The following TTC19 variants were observed in gnomAD, a reference collection of about 807,000 sequenced individuals.
TTC19 encodes the protein tetratricopeptide repeat domain 19.
A neutral mutation model predicts 49.5 loss-of-function variants in TTC19; 38 were observed. That is an observed-to-expected ratio of 0.77 (90% CI 0.59 to 1.01). TTC19 has a LOEUF of 1.01. TTC19 is among the 50% of genes least tolerant of loss of function. The pLI is 0.00. For synonymous variants in TTC19, 204 were observed against 185.2 expected (o/e 1.10, Z -0.83); for missense variants, 475 against 477.7 (o/e 0.99, Z 0.05).
At chr17:16,005,654 T>G (rs1970882327) in intron 6 of TTC19, among the ~76,000 whole-genome samples, 1 of 152,230 alleles carries the variant, frequency 6.6e-6, no homozygotes, top group Admixed American at 6.5e-5. Context: ...AGAGTTGGGT[T>G]AAATGACTTC....
chr17:16,037,534 A>G (rs949804957), intron 2 of TTC19, among the ~76,000 whole-genome samples: 5 of 152,208 alleles, frequency 3.3e-5, no homozygotes, highest in African/African-American at 1.2e-4. Flanking sequence ...GTAATTAAGG[A>G]ACTGAAATTT....
intron 2 of TTC19, among the ~76,000 whole-genome samples, chr17:16,041,768 A>G (rs920354955): frequency 7.4e-6 from 1 of 134,722 alleles, no homozygotes; most frequent in African/African-American, 2.8e-5. Context: ...ACGGAGTCTC[A>G]CTCTGCCGCC....
chr17:16,039,700 T>C, intron 2 of TTC19: 1 of 1,534,308 alleles, frequency 6.5e-7, no homozygotes, highest in Non-Finnish European at 8.9e-7. Context: ...GAAAGGCCAA[T>C]CAGGAAACAA....
At chr17:16,021,961 TCTC>T (rs1434001997) in intron 7 of TTC19, among the ~76,000 whole-genome samples, 1 of 152,204 alleles carries the variant, frequency 6.6e-6, no homozygotes, top group Admixed American at 6.5e-5. Flanking sequence ...TAGTCATTTT[TCTC>T]CTCTTTAGAT....
intron 2 of TTC19, among the ~76,000 whole-genome samples, chr17:16,042,582 T>C (rs1291485302): frequency 6.6e-6 from 1 of 152,224 alleles, no homozygotes; most frequent in Non-Finnish European, 1.5e-5. Context: ...TCCAGGTGAC[T>C]GGTACCTACT....
intron 2 of TTC19, chr17:16,039,781 C>T: frequency 1.2e-6 from 1 of 821,550 alleles, no homozygotes; most frequent in Non-Finnish European, 1.9e-6. Context: ...ATACCAGGAC[C>T]CACCACACAG....
intron 2 of TTC19, among the ~76,000 whole-genome samples, chr17:16,042,547 CA>C (rs1567667527): frequency 6.6e-6 from 1 of 152,192 alleles, no homozygotes; most frequent in Non-Finnish European, 1.5e-5. Flanking sequence ...CCTGGGGCTC[CA>C]TAATTCAACT....
At chr17:16,044,997 A>AAC in exon 3 of TTC19, 1 of 477,860 alleles carries the variant, frequency 2.1e-6, no homozygotes, top group East Asian at 3.9e-5. Context: ...AGCTGAACTT[A>AAC]AGAAAAAAAA....
At chr17:16,013,434 T>C (rs1480618844) in intron 7 of TTC19, among the ~76,000 whole-genome samples, 2 of 152,244 alleles carry the variant, frequency 1.3e-5, no homozygotes, top group Non-Finnish European at 2.9e-5. Context: ...CTTAGAGAGA[T>C]ATTTTTCAAG....
At chr17:16,025,938 A>C (rs1298082585) in intron 8 of TTC19, among the ~76,000 whole-genome samples, 1 of 152,178 alleles carries the variant, frequency 6.6e-6, no homozygotes, top group Non-Finnish European at 1.5e-5. Context: ...AGGAATAATA[A>C]ACAAGCAAGT....
At chr17:16,022,592 A>C (rs1971419755) in intron 7 of TTC19, among the ~76,000 whole-genome samples, 1 of 152,278 alleles carries the variant, frequency 6.6e-6, no homozygotes, top group Non-Finnish European at 1.5e-5. Context: ...AGTTTTCCTA[A>C]ATTAGAGATG....
intron 7 of TTC19, among the ~76,000 whole-genome samples, chr17:16,011,659 G>A (rs1225886283): frequency 6.6e-6 from 1 of 152,164 alleles, no homozygotes; most frequent in Non-Finnish European, 1.5e-5. Context: ...ACATTTTAAG[G>A]TTGTTGATGA....
At chr17:16,008,250 A>G (rs964195696) in intron 7 of TTC19, among the ~76,000 whole-genome samples, 3 of 152,166 alleles carry the variant, frequency 2.0e-5, no homozygotes, top group African/African-American at 7.2e-5. Context: ...CCCACCCGAC[A>G]TCTTGACTTG....
exon 3 of TTC19, chr17:16,044,955 T>G (rs2058411676): frequency 3.4e-6 from 2 of 587,724 alleles, no homozygotes; most frequent in Admixed American, 2.7e-5. Context: ...TTGGTTGTTT[T>G]GACTAAATTT....
At chr17:16,044,838 G>C in exon 3 of TTC19, 1 of 1,039,954 alleles carries the variant, frequency 9.6e-7, no homozygotes. Flanking sequence ...CCAGCAGCTG[G>C]TGCTGCACCA....
intron 2 of TTC19, 191 bp downstream of exon 2, chr17:16,000,436 C>T: frequency 1.4e-6 from 2 of 1,438,254 alleles, no homozygotes; most frequent in South Asian, 2.8e-5. Context: ...GACTCTAAGG[C>T]CTGCAGTAAA....
At chr17:16,005,539 A>C (rs189888682) in intron 6 of TTC19, among the ~76,000 whole-genome samples, 94 of 152,344 alleles carry the variant, frequency 6.2e-4, no homozygotes, top group African/African-American at 2.2e-3. Context: ...TAAATGGAGA[A>C]GGGATTTCTG....
At chr17:16,001,196 CTGAA>C (rs1970718361) in intron 2 of TTC19, among the ~76,000 whole-genome samples, 1 of 152,140 alleles carries the variant, frequency 6.6e-6, no homozygotes, top group Admixed American at 6.6e-5. Context: ...TCAGAAAGCT[CTGAA>C]TGGCTACCCA....
intron 7 of TTC19, among the ~76,000 whole-genome samples, chr17:16,009,178 G>A (rs1483600538): frequency 6.6e-6 from 1 of 152,210 alleles, no homozygotes; most frequent in Non-Finnish European, 1.5e-5. Context: ...CACAAGAGGT[G>A]TAAAAACAAG....
Sources: gnomAD v4.1 joint callset for allele counts (sites outside exome capture counted in the v4.1 genomes callset) on GRCh38, gnomAD v4.1.1 for gene constraint, MANE v1.5 for transcripts, NCBI Gene and HGNC (gene_info 2026-07-23, HGNC 2026-07-21) for gene names.